HDAC4: variants seen among roughly 807,000 people sequenced by gnomAD.
HDAC4 encodes the protein histone deacetylase 4.
In HDAC4, 16 loss-of-function variants were observed where a neutral mutation model predicts 135.1. The ratio of observed to expected loss-of-function variants is 0.12; its 90% CI spans 0.08 to 0.18. The LOEUF (loss-of-function observed/expected upper bound fraction) is 0.18, where lower values mean the gene tolerates loss of function less well. HDAC4 is among the 10% of genes least tolerant of loss of function. The probability of loss-of-function intolerance (pLI) is 1.00; values close to 1 mark genes in which losing one functional copy is unlikely to be tolerated. For missense variants in HDAC4, 1,143 were observed against 1,511.8 expected (o/e 0.76, Z 4.05); for synonymous variants, 685 against 653.4 (o/e 1.05, Z -0.74).
chr2:239,137,060 G>A (rs2041012380), intron 9 of HDAC4, among the ~76,000 whole-genome samples: 1 of 152,192 alleles, frequency 6.6e-6, no homozygotes, highest in Non-Finnish European at 1.5e-5. Context: ...AACAAAATAA[G>A]GAGACGTTCT....
At chr2:239,315,848 G>C (rs1262729564) in intron 2 of HDAC4, among the ~76,000 whole-genome samples, 3 of 152,156 alleles carry the variant, frequency 2.0e-5, no homozygotes, top group Admixed American at 2.0e-4. Context: ...TTTCTAACCA[G>C]GACTGAAAAT....
At chr2:239,180,018 C>A (rs1010480539) in intron 4 of HDAC4, among the ~76,000 whole-genome samples, 2 of 152,220 alleles carry the variant, frequency 1.3e-5, no homozygotes, top group African/African-American at 4.8e-5. Flanking sequence ...TCTGTGGGCG[C>A]CAACCTTCAG....
intron 18 of HDAC4, 108 bp from the exon 19 acceptor site, chr2:239,087,722 G>A: frequency 2.9e-6 from 3 of 1,045,012 alleles, no homozygotes; most frequent in East Asian, 5.1e-5. Context: ...TACACAGGAG[G>A]ACAGTTTCTT....
At chr2:239,224,169 T>C (rs1364470747) in intron 3 of HDAC4, among the ~76,000 whole-genome samples, 6 of 152,232 alleles carry the variant, frequency 3.9e-5, no homozygotes, top group Non-Finnish European at 8.8e-5. Flanking sequence ...CCTCGACTCT[T>C]CTGTTTCCTG....
At position 239,305,726 on chromosome 2, in the gene HDAC4, C is replaced by T. The variant is rs575067709; in HGVS notation, c.22+46952G>A. Among the ~76,000 whole-genome samples, 32 of 152,298 alleles carry T rather than the reference C, an allele frequency of 2.1e-4. No individual in the cohort carries two copies. In the East Asian group the frequency reaches 4.6e-3, roughly 22 times the overall value. ...CTTAGTTTCATTTAGTGACTAAATT[C>T]TAGCCATCCCTAGACTGATGGCCAC... On this transcript the variant is annotated intron_variant, in intron 2 of 26. Transcript: ENST00000543185.
intron 3 of HDAC4, among the ~76,000 whole-genome samples, chr2:239,204,113 C>T (rs1344119515): frequency 6.6e-6 from 1 of 152,184 alleles, no homozygotes; most frequent in African/African-American, 2.4e-5. Flanking sequence ...ACCTCATATT[C>T]CTGTGTAAAG....
intron 15 of HDAC4, among the ~76,000 whole-genome samples, chr2:239,105,147 C>T (rs931903170): frequency 6.6e-6 from 1 of 152,228 alleles, no homozygotes; most frequent in African/African-American, 2.4e-5. Flanking sequence ...CTCGTTATTT[C>T]TGTCTCCCTT....
chr2:239,110,852 C>T (rs567367836), intron 14 of HDAC4, among the ~76,000 whole-genome samples: 80 of 152,244 alleles, frequency 5.3e-4, no homozygotes, highest in Non-Finnish European at 9.7e-4. Context: ...CGGCCCAGGA[C>T]AGCAGTCTCC....
rs147010360 is a variant in HDAC4, at chr2:239,313,290, C to T, written c.22+39388G>A. Among the ~76,000 whole-genome samples, 161 of 152,266 alleles carry T rather than the reference C, an allele frequency of 1.1e-3. 2 individuals carry two copies. The highest frequency in any genetic ancestry group is 3.7e-3 in the African/African-American group (155 of 41,552). On this transcript the variant is annotated intron_variant, in intron 2 of 26. Coordinates refer to ENST00000543185, the MANE Select transcript of HDAC4 (RefSeq NM_001378414.1). This position sits in a 1 kb window ranked among gnomAD's most constrained non-coding sequence, Gnocchi z 5.1. The stretch of plus-strand genomic sequence containing the variant: ...AGCAACAAAAGTACTTAACAAAATG[C>T]GCTGATGTAAATGTCCCTGCAGCAG...
At chr2:239,353,362 C>T (rs1460295807) in intron 1 of HDAC4, among the ~76,000 whole-genome samples, 3 of 152,142 alleles carry the variant, frequency 2.0e-5, no homozygotes, top group Admixed American at 6.6e-5. Flanking sequence ...TAGAACAGTT[C>T]GACGGAATCA....
At chr2:239,235,199 C>CT (rs1249835721) in intron 3 of HDAC4, among the ~76,000 whole-genome samples, 1 of 152,038 alleles carries the variant, frequency 6.6e-6, no homozygotes, top group African/African-American at 2.4e-5. Flanking sequence ...CCCCGAACAC[C>CT]CCCCAAGAGG....
In HDAC4 at chr2:239,054,560, C is replaced by T. The variant is rs573672736; in HGVS notation, c.3088+189G>A. On this transcript the variant is annotated intron_variant, in intron 25 of 26. Transcript: ENST00000543185. ...CCCAGCAGGCCGGGGGAAATCCAGT[C>T]GGGGTTAAATGTGAGTCTCTACCAG... is the stretch of plus-strand genomic sequence containing the variant. 6.6e-5 allele frequency among the ~76,000 whole-genome samples: 10 copies of T among 152,210 alleles called. 1 individual carries two copies. The South Asian group carries it at 8.3e-4, about 13-fold the overall frequency.
chr2:239,061,403 T>C (rs1415539785), intron 24 of HDAC4, among the ~76,000 whole-genome samples: 2 of 150,416 alleles, frequency 1.3e-5, no homozygotes, highest in Non-Finnish European at 3.0e-5. Flanking sequence ...GGTGTGTGCA[T>C]GCACAAGAGG....
chr2:239,132,101 A>G (rs942597532), intron 11 of HDAC4, among the ~76,000 whole-genome samples: 3 of 152,054 alleles, frequency 2.0e-5, no homozygotes, highest in Non-Finnish European at 4.4e-5. Flanking sequence ...GGAGTGAGAG[A>G]GCATGGGAGG....
At chr2:239,247,184 G>A (rs555315075) in intron 2 of HDAC4, among the ~76,000 whole-genome samples, 1 of 152,200 alleles carries the variant, frequency 6.6e-6, no homozygotes, top group Non-Finnish European at 1.5e-5. Context: ...CCGCACAGCC[G>A]GGCAAACCAA....
At chr2:239,172,442 G>T (rs1238532069) in intron 5 of HDAC4, among the ~76,000 whole-genome samples, 1 of 151,888 alleles carries the variant, frequency 6.6e-6, no homozygotes, top group Non-Finnish European at 1.5e-5. Context: ...ATGTAAATGG[G>T]CCAAACTAAT....
At chr2:239,098,460 C>T (rs926472868) in intron 16 of HDAC4, among the ~76,000 whole-genome samples, 7 of 152,268 alleles carry the variant, frequency 4.6e-5, no homozygotes, top group Non-Finnish European at 5.9e-5. Flanking sequence ...TCCTGCCGCA[C>T]CCTACCCTGA....
chr2:239,175,422 C>T (rs1043494630), intron 5 of HDAC4, among the ~76,000 whole-genome samples: 3 of 152,222 alleles, frequency 2.0e-5, no homozygotes, highest in African/African-American at 7.2e-5. Context: ...CCCAGCAGCC[C>T]ACAGTCAGCA....
rs182775432 is a variant in HDAC4, at chr2:239,133,831, T to C, written c.1294+414A>G. On this transcript the variant is annotated intron_variant, in intron 11 of 26. Transcript: ENST00000543185. ...GTTGCTATGTAATTTCATAAGGACG[T>C]TCCCATTTTCCTCTAAATTGTATTT... Among the ~76,000 whole-genome samples the C allele has an allele frequency of 1.2e-4, 19 of 152,324 alleles. No individual in the cohort carries two copies. In the East Asian group the frequency reaches 3.7e-3, roughly 29 times the overall value.
Sources: gnomAD v4.1 joint callset for allele counts (sites outside exome capture counted in the v4.1 genomes callset) on GRCh38, gnomAD v4.1.1 for gene constraint, Gnocchi (gnomAD v3.1) non-coding constraint, MANE v1.5 for transcripts, NCBI Gene and HGNC (gene_info 2026-07-23, HGNC 2026-07-21) for gene names.